The following POLK variants were observed in gnomAD, a reference collection of about 807,000 sequenced individuals.
POLK encodes the protein DNA polymerase kappa, also known as polymerase (DNA directed) kappa.
POLK carries 76 observed loss-of-function variants against 94.0 expected under a neutral mutation model. That is an observed-to-expected ratio of 0.81 (90% CI 0.67 to 0.98). The LOEUF (loss-of-function observed/expected upper bound fraction) is 0.98, where lower values mean the gene tolerates loss of function less well. Among genes scored for constraint, POLK ranks in the 50% least tolerant of loss-of-function variants. The pLI is 0.00. For synonymous variants in POLK, 349 were observed against 325.4 expected (o/e 1.07, Z -0.78); for missense variants, 954 against 1,010.1 (o/e 0.94, Z 0.75).
In POLK at chr5:75,575,849, G is replaced by C. The variant is rs189788227; in HGVS notation, c.541-931G>C. 3.0e-3 allele frequency among the ~76,000 whole-genome samples: 462 copies of C among 152,036 alleles called. 3 individuals are homozygous for C. The highest frequency in any genetic ancestry group is 7.7e-3 in the Admixed American group (117 of 15,272). ...ATAAAAGAAGAAACAGTTTTCTCAT[G>C]ATACAGTAGACAGTTTTAAAAGCTA... is the stretch of plus-strand genomic sequence containing the variant. On this transcript the variant is annotated intron_variant, in intron 5 of 14. Coordinates refer to ENST00000241436, the Ensembl canonical transcript of POLK.
intron 1 of POLK, among the ~76,000 whole-genome samples, chr5:75,540,387 G>T (rs994248190): frequency 2.0e-5 from 3 of 151,722 alleles, no homozygotes; most frequent in Admixed American, 2.0e-4. Flanking sequence ...GCTGACTGCG[G>T]CTTCGAACTC....
At chr5:75,568,066 A>G (rs1373338096) in intron 3 of POLK, among the ~76,000 whole-genome samples, 1 of 152,210 alleles carries the variant, frequency 6.6e-6, no homozygotes, top group African/African-American at 2.4e-5. Context: ...AACATGAGGG[A>G]AAAAGCCACA....
intron 3 of POLK, among the ~76,000 whole-genome samples, chr5:75,553,884 A>G (rs1225445661): frequency 2.6e-5 from 4 of 152,158 alleles, no homozygotes; most frequent in Admixed American, 1.3e-4. Context: ...TTTCTTTCTC[A>G]CATAATAAGT....
chr5:75,514,424 TCAGA>T (rs1768225399), intron 1 of POLK, among the ~76,000 whole-genome samples: 1 of 152,180 alleles, frequency 6.6e-6, no homozygotes, highest in Non-Finnish European at 1.5e-5. Context: ...TTAAAATTGG[TCAGA>T]CACCAAAGAA....
At chr5:75,585,005 A>G (rs1772393738) in intron 9 of POLK, 79 bp downstream of exon 9, 1 of 849,062 alleles carries the variant, frequency 1.2e-6, no homozygotes, top group Non-Finnish European at 1.9e-6. Context: ...ATGAGGCTAT[A>G]TGGATAACAT....
chr5:75,561,519 C>A (rs187652680), intron 3 of POLK, among the ~76,000 whole-genome samples: 14 of 152,296 alleles, frequency 9.2e-5, no homozygotes, highest in Middle Eastern at 6.8e-3. Flanking sequence ...AATTAGATCC[C>A]ATTTGTCAAT....
the POLK span, among the ~76,000 whole-genome samples, chr5:75,608,216 CAG>C: frequency 1.3e-5 from 2 of 149,654 alleles, no homozygotes; most frequent in Non-Finnish European, 3.0e-5. Context: ...TTTTTTGAGA[CAG>C]AGTCTTGCTC....
At chr5:75,543,019 T>TTATTTATTTATG (rs1419854209) in intron 1 of POLK, among the ~76,000 whole-genome samples, 8 of 141,130 alleles carry the variant, frequency 5.7e-5, no homozygotes, top group African/African-American at 2.1e-4. Context: ...CCTTATTTAT[T>TTATTTATTTATG]TATTTATTTA....
chr5:75,521,920 C>T (rs1320397630), intron 1 of POLK, among the ~76,000 whole-genome samples: 1 of 152,176 alleles, frequency 6.6e-6, no homozygotes, highest in Non-Finnish European at 1.5e-5. Flanking sequence ...TGTAGAAAGG[C>T]TGGCTAGGGG....
intron 3 of POLK, among the ~76,000 whole-genome samples, chr5:75,558,604 A>T (rs1434970947): frequency 6.6e-6 from 1 of 152,076 alleles, no homozygotes; most frequent in Non-Finnish European, 1.5e-5. Flanking sequence ...AGTTTTAGTT[A>T]TTGAACGGTA....
At chr5:75,591,985 C>T (rs1772812652) in intron 11 of POLK, among the ~76,000 whole-genome samples, 1 of 152,166 alleles carries the variant, frequency 6.6e-6, no homozygotes, top group African/African-American at 2.4e-5. Flanking sequence ...TAGTGTTTTT[C>T]CCTTTGGAAG....
chr5:75,591,355 A>G (rs368399841), intron 11 of POLK, among the ~76,000 whole-genome samples: 1 of 152,310 alleles, frequency 6.6e-6, no homozygotes, highest in African/African-American at 2.4e-5. Flanking sequence ...AAAGAGTGGA[A>G]TATCTGATGA....
chr5:75,568,719 G>A (rs759595673), intron 3 of POLK: 1 of 435,654 alleles, frequency 2.3e-6, no homozygotes. Flanking sequence ...TTCTACAGAG[G>A]AACATTTACA....
intron 10 of POLK, among the ~76,000 whole-genome samples, chr5:75,587,880 A>C (rs1772555331): frequency 6.6e-6 from 1 of 152,080 alleles, no homozygotes; most frequent in Non-Finnish European, 1.5e-5. Flanking sequence ...GGCACCACTC[A>C]CTCCACTCCA....
the POLK span, among the ~76,000 whole-genome samples, chr5:75,607,608 C>T: frequency 6.6e-6 from 1 of 152,064 alleles, no homozygotes; most frequent in African/African-American, 2.4e-5. Flanking sequence ...CTGCCGTTTA[C>T]ACCTGAACAT....
chr5:75,531,473 G>T (rs1421322829), intron 1 of POLK, among the ~76,000 whole-genome samples: 2 of 151,954 alleles, frequency 1.3e-5, no homozygotes, highest in Non-Finnish European at 1.5e-5. Context: ...TGTGGGCTGT[G>T]GACCAGTGCT....
At chr5:75,573,586 G>T (rs1241814858) in intron 4 of POLK, 152 bp from the exon 5 acceptor site, 1 of 621,702 alleles carries the variant, frequency 1.6e-6, no homozygotes, top group South Asian at 2.0e-5. Context: ...TCTATTTTTG[G>T]AAAACAACAA....
At chr5:75,604,413 G>A (rs563005123), downstream of POLK, among the ~76,000 whole-genome samples, 229 of 152,254 alleles carry the variant, frequency 1.5e-3, no homozygotes, top group Non-Finnish European at 2.5e-3. Flanking sequence ...AGGTCTCACC[G>A]TCACCCAGGC....
At chr5:75,602,539 T>G (rs1176127042), downstream of POLK, among the ~76,000 whole-genome samples, 1 of 152,180 alleles carries the variant, frequency 6.6e-6, no homozygotes, top group East Asian at 1.9e-4. Context: ...TAATGTCAAA[T>G]TATTAGAATT....
Sources: allele counts gnomAD v4.1 joint callset (sites outside exome capture counted in the v4.1 genomes callset), GRCh38; gene constraint gnomAD v4.1.1; transcripts MANE v1.5; gene names NCBI Gene and HGNC (gene_info 2026-07-23, HGNC 2026-07-21).